MAGI1: variants seen among roughly 807,000 people sequenced by gnomAD.
The protein encoded by MAGI1 is membrane-associated guanylate kinase, WW and PDZ domain-containing protein 1.
MAGI1 carries 58 observed loss-of-function variants against 139.9 expected under a neutral mutation model. The ratio of observed to expected loss-of-function variants is 0.41; its 90% CI spans 0.34 to 0.52. The LOEUF (loss-of-function observed/expected upper bound fraction) is 0.52, where lower values mean the gene tolerates loss of function less well. Among genes scored for constraint, MAGI1 ranks in the 20% least tolerant of loss-of-function variants. The pLI is 0.12. For missense variants in MAGI1, 1,874 were observed against 1,901.6 expected, an observed-to-expected ratio of 0.99 and a Z score of 0.27; for synonymous variants, 812 against 737.9, an observed-to-expected ratio of 1.10 and a Z score of -1.63.
chr3:65,760,994 T>C (rs1365166928), intron 1 of MAGI1, among the ~76,000 whole-genome samples: 4 of 152,136 alleles, frequency 2.6e-5, no homozygotes, highest in Admixed American at 6.6e-5. Context: ...TTTAAACATA[T>C]GTAGCGCCCA....
At chr3:65,378,599 G>A (rs3821397) in intron 17 of MAGI1, among the ~76,000 whole-genome samples, 7,938 of 151,880 alleles carry the variant, frequency 0.052, 672 homozygotes, top group East Asian at 0.32. Context: ...AAGACCTTTC[G>A]AAAGCCTTGC....
intron 1 of MAGI1, among the ~76,000 whole-genome samples, chr3:65,709,629 C>A (rs1257054513): frequency 6.6e-6 from 1 of 152,198 alleles, no homozygotes; most frequent in Admixed American, 6.5e-5. Flanking sequence ...TCTAGCAAGA[C>A]CAGATGCACT....
At position 65,690,748 on chromosome 3, in the gene MAGI1, CCTCCCAATGTGCTGGGATTACAGG is replaced by C. The variant is rs1241158055; in HGVS notation, c.314-68684_314-68661del. On this transcript the variant is annotated intron_variant, in intron 1 of 22. Transcript: ENST00000402939. ...ACCTCCCAATGTGCTGGGATTACAGCCTCCCAATGTGCTGGGATTACAGGCATGAGCCACCACATCCAGCCTAGA... is the reference window on the plus strand; with the variant it reads ...ACCTCCCAATGTGCTGGGATTACAGCCATGAGCCACCACATCCAGCCTAGA... Among the ~76,000 whole-genome samples the C allele has an allele frequency of 4.0e-4, 61 of 151,870 alleles. 1 individual carries two copies. The East Asian group carries it at 8.7e-3, about 22-fold the overall frequency.
intron 1 of MAGI1, among the ~76,000 whole-genome samples, chr3:65,729,935 A>G (rs2034017200): frequency 6.6e-6 from 1 of 152,232 alleles, no homozygotes; most frequent in Non-Finnish European, 1.5e-5. Flanking sequence ...ACTTGATTGA[A>G]TAAGAGATGC....
At chr3:65,581,152 G>A (rs914251741) in intron 2 of MAGI1, among the ~76,000 whole-genome samples, 2 of 151,598 alleles carry the variant, frequency 1.3e-5, no homozygotes, top group African/African-American at 4.9e-5. Flanking sequence ...ATCCAAGTTT[G>A]ACTCCCTACA....
At chr3:65,986,403 T>C (rs2065880407) in intron 1 of MAGI1, among the ~76,000 whole-genome samples, 1 of 152,200 alleles carries the variant, frequency 6.6e-6, no homozygotes, top group East Asian at 1.9e-4. Context: ...TGAATTTGTC[T>C]CTTGCATCTG....
intron 1 of MAGI1, among the ~76,000 whole-genome samples, chr3:65,988,696 T>C (rs1451291234): frequency 6.6e-6 from 1 of 152,258 alleles, no homozygotes; most frequent in African/African-American, 2.4e-5. Context: ...TGTCTCATTC[T>C]GAGGACAATC....
chr3:65,793,463 C>T (rs2039920289), intron 1 of MAGI1, among the ~76,000 whole-genome samples: 1 of 152,192 alleles, frequency 6.6e-6, no homozygotes, highest in Non-Finnish European at 1.5e-5. Context: ...TAGAAATTAT[C>T]CAAACCCTTA....
chr3:65,633,719 G>C (rs2084438792), intron 1 of MAGI1, among the ~76,000 whole-genome samples: 1 of 152,026 alleles, frequency 6.6e-6, no homozygotes, highest in Non-Finnish European at 1.5e-5. Flanking sequence ...CACTAAGATA[G>C]TGGAATAACA....
At chr3:65,686,131 C>A (rs2088005811) in intron 1 of MAGI1, among the ~76,000 whole-genome samples, 1 of 152,044 alleles carries the variant, frequency 6.6e-6, no homozygotes, top group Admixed American at 6.6e-5. Context: ...TTTCTTTGGC[C>A]CCTGGCTCTG....
At position 65,442,791 on chromosome 3, in the gene MAGI1, C is replaced by G; in HGVS notation, c.1136+1G>C. 6.2e-7 allele frequency: 1 copy of G among 1,610,740 alleles called. No homozygotes were observed. The highest frequency in any genetic ancestry group is 8.5e-7 in the Non-Finnish European group (1 of 1,177,520). ...TGTGTGGATTGTGAATGGGCACTTA[C>G]TCTACATAGTAGATACCATAGACAG... is the stretch of plus-strand genomic sequence containing the variant. On this transcript the variant is annotated splice_donor_variant, in intron 8 of 22. Coordinates refer to ENST00000402939, the MANE Select transcript of MAGI1 (RefSeq NM_001033057.2). LOFTEE classifies it high-confidence loss of function.
chr3:65,459,976 G>C (rs1445827867), intron 5 of MAGI1, among the ~76,000 whole-genome samples: 1 of 152,094 alleles, frequency 6.6e-6, no homozygotes, highest in Non-Finnish European at 1.5e-5. Flanking sequence ...GACATCCTTG[G>C]CTTGTTTTCA....
intron 1 of MAGI1, chr3:65,954,653 G>A (rs144211769): frequency 0.011 from 1,616 of 152,340 alleles, 10 homozygotes; most frequent in Middle Eastern, 0.02. Context: ...GCAGTGCTGC[G>A]ACAGAGGACC....
intron 1 of MAGI1, among the ~76,000 whole-genome samples, chr3:65,763,380 A>G (rs986017588): frequency 1.3e-5 from 2 of 152,186 alleles, no homozygotes; most frequent in African/African-American, 4.8e-5. Context: ...TATATTACAT[A>G]AATTTGTAAG....
At chr3:65,426,279 A>C (rs577275167) in intron 12 of MAGI1, among the ~76,000 whole-genome samples, 1 of 152,338 alleles carries the variant, frequency 6.6e-6, no homozygotes, top group South Asian at 2.1e-4. Flanking sequence ...TTTACAAATG[A>C]TATTTCAACC....
Position 65,442,812 on chromosome 3 carries a change from G to A in MAGI1, c.1116C>T (p.Val372=). ...PAGWEKIEDP[V]YGIYYVDHIN... ...CTTACTCTACATAGTAGATACCATAGACAGGGTCTTCAATCTTTTCCCAAC... is the reference window on the plus strand; with the variant it reads ...CTTACTCTACATAGTAGATACCATAAACAGGGTCTTCAATCTTTTCCCAAC... The change falls in exon 8 of 23, where the codon GTC becomes GTT. Residue 372 remains valine (V), a synonymous_variant. Coordinates refer to ENST00000402939, the MANE Select transcript of MAGI1 (RefSeq NM_001033057.2). The A allele has an allele frequency of 1.9e-6, 3 of 1,612,938 alleles. No homozygotes were observed. The highest frequency in any genetic ancestry group is 2.5e-6 in the Non-Finnish European group (3 of 1,179,238).
chr3:65,927,891 A>G (rs2062600585), intron 1 of MAGI1, among the ~76,000 whole-genome samples: 1 of 152,128 alleles, frequency 6.6e-6, no homozygotes, highest in South Asian at 2.1e-4. Flanking sequence ...AAAATCAACT[A>G]CTTAACACAG....
intron 1 of MAGI1, among the ~76,000 whole-genome samples, chr3:65,863,936 T>C (rs1467774353): frequency 6.6e-6 from 1 of 152,134 alleles, no homozygotes; most frequent in East Asian, 1.9e-4. Context: ...CAGAGTAACT[T>C]TCCCTCAGAG....
chr3:65,438,909 C>T (rs1030167293), intron 9 of MAGI1, among the ~76,000 whole-genome samples: 7 of 152,136 alleles, frequency 4.6e-5, no homozygotes, highest in Admixed American at 6.5e-5. Context: ...GTTTAAATCA[C>T]GAAGCCTAAA....
Sources: allele counts gnomAD v4.1 joint callset (sites outside exome capture counted in the v4.1 genomes callset), GRCh38; gene constraint gnomAD v4.1.1; transcripts MANE v1.5; gene names NCBI Gene and HGNC (gene_info 2026-07-23, HGNC 2026-07-21).